Variants in LTBP2 observed in about 807,000 individuals in gnomAD.
LTBP2 encodes latent-transforming growth factor beta-binding protein 2.
Under a neutral mutation model 210.6 loss-of-function variants are expected in LTBP2, and 103 were observed. The ratio of observed to expected loss-of-function variants is 0.49; its 90% confidence interval spans 0.42 to 0.58. LTBP2 has a LOEUF of 0.58. Among genes scored for constraint, LTBP2 ranks in the 20% least tolerant of loss-of-function variants. The probability of loss-of-function intolerance (pLI) is 0.00; values close to 1 mark genes in which losing one functional copy is unlikely to be tolerated. For synonymous variants in LTBP2, 1,007 were observed against 1,015.0 expected, an observed-to-expected ratio of 0.99 and a Z score of 0.15; for missense variants, 2,313 against 2,494.5, an observed-to-expected ratio of 0.93 and a Z score of 1.55.
At position 74,503,993 on chromosome 14, in the gene LTBP2, G is replaced by A. The variant is rs142851664; in HGVS notation, c.4515C>T (p.Thr1505=). 6.7e-5 allele frequency: 108 copies of A among 1,614,040 alleles called. No individual in the cohort carries two copies. The highest frequency in any genetic ancestry group is 1.2e-4 in the African/African-American group (9 of 74,948). Reference sequence around the variant, plus strand: ...TGCACAGGCAGACATAACCAGGCACGGTGTTGAGGCACCGGCCGTTCGGGC... The same window carrying A: ...TGCACAGGCAGACATAACCAGGCACAGTGTTGAGGCACCGGCCGTTCGGGC... ...GLCPNGRCLN[T]VPGYVCLCNP... The change falls in exon 31 of 36, where the codon ACC becomes ACT. Residue 1505 remains threonine (T), a synonymous_variant. Transcript: ENST00000261978.
intron 5 of LTBP2, 87 bp downstream of exon 5, chr14:74,552,805 C>G: frequency 6.7e-7 from 1 of 1,487,884 alleles, no homozygotes; most frequent in Non-Finnish European, 9.1e-7. Flanking sequence ...TTGGGAGCAG[C>G]GGGCTCCAGT....
intron 10 of LTBP2, among the ~76,000 whole-genome samples, chr14:74,529,648 T>G (rs1315763427): frequency 6.6e-6 from 1 of 152,180 alleles, no homozygotes; most frequent in Non-Finnish European, 1.5e-5. Flanking sequence ...AAGCTATGCG[T>G]GGATGGCTAG....
At chr14:74,530,825 C>A (rs2087340534) in intron 10 of LTBP2, among the ~76,000 whole-genome samples, 1 of 152,224 alleles carries the variant, frequency 6.6e-6, no homozygotes, top group Admixed American at 6.5e-5. Context: ...CCAGCGAATT[C>A]TTTTTTGCTT....
At position 74,552,897 on chromosome 14, in the gene LTBP2, C is replaced by T. The variant is rs765793427; in HGVS notation, c.1187G>A (p.Arg396His). ...TGAGCAGGAAAGGGACTCACAGATG[C>T]GGAAGCCAGACTTGGGATCGTGCCC... ...GHGHDPKSGFRIYFCQIPCLN... is the reference protein window; with the variant it reads ...GHGHDPKSGFHIYFCQIPCLN... Residue 396 changes from arginine (R) to histidine (H), a missense_variant, in exon 5 of 36, where the codon CGC becomes CAC. Transcript: ENST00000261978. The T allele has an allele frequency of 1.9e-5, 30 of 1,612,256 alleles. No individual in the cohort carries two copies. Among genetic ancestry groups the T allele is most frequent in the South Asian group, 5.5e-5 (5 of 90,680 alleles).
chr14:74,507,267 G>T lies in LTBP2; in HGVS notation c.3819C>A (p.Thr1273=). Residue 1273 remains threonine, a synonymous_variant, in exon 26 of 36, where the codon ACC becomes ACA. Coordinates refer to ENST00000261978, the MANE Select transcript of LTBP2 (RefSeq NM_000428.3). ...AGCCAGGGCTGTTTTCACACTTCCA[G>T]GTGCCACACACCGGGTCTCCATAGT... ...CEDYGDPVCG[T]WKCENSPGSY... The T allele has an allele frequency of 6.2e-7, 1 of 1,614,184 alleles. No individual in the cohort carries two copies. The highest frequency in any genetic ancestry group is 8.5e-7 in the Non-Finnish European group (1 of 1,180,036).
Position 74,518,538 on chromosome 14 carries a change from C to T in LTBP2, c.2789-1597G>A, listed in dbSNP as rs1260327269. On this transcript the variant is annotated intron_variant, in intron 17 of 35. Transcript: ENST00000261978. Reference sequence around the variant, plus strand: ...AACCCAGCGTCCCCTGAGGGCCCAGCTTTCAGTGTACCTGTTCATTTACTT... The same window carrying T: ...AACCCAGCGTCCCCTGAGGGCCCAGTTTTCAGTGTACCTGTTCATTTACTT... Among the ~76,000 whole-genome samples, 5 of 152,198 alleles carry T rather than the reference C, an allele frequency of 3.3e-5. No individual in the cohort carries two copies. In the East Asian group the frequency reaches 9.6e-4, roughly 29 times the overall value.
In LTBP2 at chr14:74,548,419, G is replaced by A. The variant is rs113650801; in HGVS notation, c.1789+1444C>T. On this transcript the variant is annotated intron_variant, in intron 8 of 35. Coordinates refer to ENST00000261978, the MANE Select transcript of LTBP2 (RefSeq NM_000428.3). The stretch of plus-strand genomic sequence containing the variant: ...ATTGTAAGCTTGGAGAGGAAGGTGC[G>A]GTTTTTACCACCTTCTCTACTCTCT... Among the ~76,000 whole-genome samples the A allele has an allele frequency of 6.4e-3, 973 of 152,046 alleles. 6 individuals are homozygous for A. The highest frequency in any genetic ancestry group is 0.011 in the Non-Finnish European group (774 of 67,996).
chr14:74,605,570 C>T lies in LTBP2; in HGVS notation c.495-1865G>A, dbSNP rs1377986495. 2.0e-5 allele frequency among the ~76,000 whole-genome samples: 3 copies of T among 152,206 alleles called. No individual in the cohort carries two copies. The East Asian group carries it at 5.8e-4, about 29-fold the overall frequency. ...CCACCCCTTGTGGTGGTGACAAGAC[C>T]TCTCGTGGGGCTAGGAGGGCTCTGA... is the stretch of plus-strand genomic sequence containing the variant. On this transcript the variant is annotated intron_variant, in intron 1 of 35. Coordinates refer to ENST00000261978, the MANE Select transcript of LTBP2 (RefSeq NM_000428.3).
chr14:74,529,671 A>G (rs2087325690), intron 10 of LTBP2, among the ~76,000 whole-genome samples: 1 of 152,242 alleles, frequency 6.6e-6, no homozygotes, highest in Non-Finnish European at 1.5e-5. Flanking sequence ...CAATGAACCA[A>G]TCAAACACAG....
rs930596365 is a variant in LTBP2, at chr14:74,521,777, C to A, written c.2788+134G>T. 3.2e-6 allele frequency: 4 copies of A among 1,243,278 alleles called. No homozygotes were observed. In the Admixed American group the frequency reaches 6.9e-5, roughly 22 times the overall value. The allele number at this position is 1,243,278 out of a possible 1,614,324, so 77.0% of individuals were successfully genotyped here. On this transcript the variant is annotated intron_variant, in intron 17 of 35. Coordinates refer to ENST00000261978, the MANE Select transcript of LTBP2 (RefSeq NM_000428.3). The stretch of plus-strand genomic sequence containing the variant: ...CCCAGATCCAGGCTGGAGTTCTGGT[C>A]TCTCCTCCTTCACTCCTTCAGCTGC...
chr14:74,525,410 G>A (rs1042096022), intron 14 of LTBP2, among the ~76,000 whole-genome samples, 185 bp from the exon 15 acceptor site: 6 of 152,206 alleles, frequency 3.9e-5, no homozygotes, highest in African/African-American at 9.6e-5. Context: ...TCTAACAGGC[G>A]TTGGAGCACA....
At chr14:74,598,512 C>T (rs551498622) in intron 2 of LTBP2, among the ~76,000 whole-genome samples, 14 of 152,332 alleles carry the variant, frequency 9.2e-5, no homozygotes, top group South Asian at 2.1e-4. Flanking sequence ...TTGTACCCAG[C>T]GTGCTGCCTG....
Position 74,527,386 on chromosome 14 carries a change from G to C in LTBP2, c.2369-20C>G. 6.2e-7 allele frequency: 1 copy of C among 1,608,382 alleles called. No homozygotes were observed. The highest frequency in any genetic ancestry group is 8.5e-7 in the Non-Finnish European group (1 of 1,177,660). ...AGTCACCTGGAAGGGAAAGGTAACA[G>C]CGTGAGCTCAGGGAGGAGGGTCTGG... On this transcript the variant is annotated intron_variant, in intron 12 of 35. Coordinates refer to ENST00000261978, the MANE Select transcript of LTBP2 (RefSeq NM_000428.3).
chr14:74,509,454 C>T, intron 21 of LTBP2, 91 bp from the exon 22 acceptor site: 1 of 1,579,690 alleles, frequency 6.3e-7, no homozygotes, highest in South Asian at 1.1e-5. Flanking sequence ...CTCTCTGAGC[C>T]CCTGGGGCTT....
chr14:74,606,260 C>T (rs770927299), intron 1 of LTBP2, among the ~76,000 whole-genome samples: 1 of 152,190 alleles, frequency 6.6e-6, no homozygotes, highest in South Asian at 2.1e-4. Context: ...TTGTTAAAAA[C>T]CTCCCACAGC....
In LTBP2 at chr14:74,555,560, C is replaced by T. The variant is rs1358565868; in HGVS notation, c.964G>A (p.Glu322Lys). 3 of 1,612,806 alleles carry T rather than the reference C, an allele frequency of 1.9e-6. No homozygotes were observed. The highest frequency in any genetic ancestry group is 1.7e-5 in the Admixed American group (1 of 59,896). The change falls in exon 4 of 36, where the codon GAG (glutamate) becomes AAG (lysine). Residue 322 changes from glutamate to lysine, a missense_variant. Transcript: ENST00000261978. Reference protein sequence around the residue: ...SNALPPGPGLEQRDGTQQAVP... With the variant: ...SNALPPGPGLKQRDGTQQAVP... The stretch of plus-strand genomic sequence containing the variant: ...GCCTGTTGGGTGCCATCTCTCTGCT[C>T]AAGGCCTGGTCCCGGGGGCAGGGCG...
chr14:74,516,533 T>C (rs1464043568), intron 18 of LTBP2, among the ~76,000 whole-genome samples: 1 of 152,154 alleles, frequency 6.6e-6, no homozygotes, highest in African/African-American at 2.4e-5. Flanking sequence ...GAAGAGCACA[T>C]TTTTCAAGGC....
chr14:74,556,439 TG>T, intron 3 of LTBP2, among the ~76,000 whole-genome samples: 1 of 152,406 alleles, frequency 6.6e-6, no homozygotes, highest in African/African-American at 2.4e-5. Flanking sequence ...CATCGCTATA[TG>T]ATAGTCCAGC....
At chr14:74,583,915 T>C (rs904760979) in intron 3 of LTBP2, among the ~76,000 whole-genome samples, 5 of 152,180 alleles carry the variant, frequency 3.3e-5, no homozygotes, top group African/African-American at 1.2e-4. Context: ...GAACCCACCA[T>C]GGGAACCGGC....
Sources: gnomAD v4.1 joint callset for allele counts (sites outside exome capture counted in the v4.1 genomes callset) on GRCh38, gnomAD v4.1.1 for gene constraint, MANE v1.5 for transcripts, NCBI Gene and HGNC (gene_info 2026-07-23, HGNC 2026-07-21) for gene names.